Variants in SNX14 observed in about 807,000 individuals in gnomAD.
The protein encoded by SNX14 is sorting nexin-14.
A neutral mutation model predicts 133.8 loss-of-function variants in SNX14; 93 were observed. The ratio of observed to expected loss-of-function variants is 0.70; its 90% confidence interval spans 0.59 to 0.83. The LOEUF (loss-of-function observed/expected upper bound fraction) is 0.83. Ranked by LOEUF, SNX14 falls within the 40% of genes least tolerant of loss-of-function variation. The pLI, the probability that SNX14 is intolerant of heterozygous loss-of-function variation, is 0.00. For synonymous variants in SNX14, 368 were observed against 365.6 expected (o/e 1.01, Z -0.07); for missense variants, 945 against 1,094.9 (o/e 0.86, Z 1.93).
chr6:85,547,112 C>A lies in SNX14; in HGVS notation c.1108G>T (p.Glu370Ter), dbSNP rs201128942. 4.8e-5 allele frequency: 77 copies of A among 1,611,320 alleles called. No homozygotes were observed. Among genetic ancestry groups the A allele is most frequent in the Non-Finnish European group, 6.3e-5 (74 of 1,178,504 alleles). ...VHVLQFCLTV[E>*]EFNDRILRPE... The stretch of plus-strand genomic sequence containing the variant: ...CGTAAAATACACAGGTAAGCCTCAC[C>A]CACAGTCAAACAAAACTGCAACACG... Residue 370 changes from glutamate to a stop codon, truncating the protein, a stop_gained and splice_region_variant, in exon 12 of 29, where the codon GAG becomes TAG. Transcript: ENST00000314673. LOFTEE classifies it high-confidence loss of function.
At chr6:85,590,202 T>C (rs918070103) in intron 1 of SNX14, among the ~76,000 whole-genome samples, 5 of 152,204 alleles carry the variant, frequency 3.3e-5, no homozygotes, top group African/African-American at 1.2e-4. Flanking sequence ...GGTACTTATC[T>C]TTTTCCTTCA....
intron 1 of SNX14, among the ~76,000 whole-genome samples, chr6:85,583,875 T>C (rs2128229098): frequency 6.6e-6 from 1 of 152,262 alleles, no homozygotes; most frequent in Non-Finnish European, 1.5e-5. Context: ...ATTGACTTTC[T>C]TAACAGAATT....
At chr6:85,522,356 CT>C (rs1777166955) in intron 21 of SNX14, among the ~76,000 whole-genome samples, 1 of 152,184 alleles carries the variant, frequency 6.6e-6, no homozygotes, top group Non-Finnish European at 1.5e-5. Flanking sequence ...GTGTTACCTA[CT>C]TGGTCCTATG....
At chr6:85,582,282 G>A (rs968197225) in intron 1 of SNX14, among the ~76,000 whole-genome samples, 1 of 152,100 alleles carries the variant, frequency 6.6e-6, no homozygotes, top group Non-Finnish European at 1.5e-5. Context: ...AAACATGAAG[G>A]AGAAATAAGG....
intron 1 of SNX14, chr6:85,581,365 G>T: frequency 6.6e-6 from 1 of 152,342 alleles, no homozygotes; most frequent in Non-Finnish European, 1.5e-5. Flanking sequence ...TACCAGGAAA[G>T]GCTTCCCAAG....
chr6:85,580,918 G>C lies in SNX14; in HGVS notation c.141-6540C>G, dbSNP rs1583100308. Among the ~76,000 whole-genome samples the C allele has an allele frequency of 2.0e-5, 3 of 152,274 alleles. No homozygotes were observed. In the East Asian group the frequency reaches 5.8e-4, roughly 29 times the overall value. On this transcript the variant is annotated intron_variant, in intron 1 of 28. Transcript: ENST00000314673. ...CATCTCTGGAACCACCCCATATCCAGGGGAACTTGCCACCCTGAAGGGAAG... is the reference window on the plus strand; with the variant it reads ...CATCTCTGGAACCACCCCATATCCACGGGAACTTGCCACCCTGAAGGGAAG...
intron 23 of SNX14, among the ~76,000 whole-genome samples, chr6:85,516,631 T>C (rs76060747): frequency 9.4e-5 from 13 of 138,550 alleles, no homozygotes; most frequent in African/African-American, 3.3e-4. Flanking sequence ...ACTTCCTTAA[T>C]CTTTTTTTTT....
chr6:85,592,316 A>T (rs2842611), intron 1 of SNX14, among the ~76,000 whole-genome samples: 2 of 152,026 alleles, frequency 1.3e-5, no homozygotes, highest in South Asian at 4.1e-4. Flanking sequence ...TAATGGTTAC[A>T]CCAGAGAAAA....
At chr6:85,547,607 A>T in intron 9 of SNX14, 57 bp from the exon 10 acceptor site, 1 of 1,362,420 alleles carries the variant, frequency 7.3e-7, no homozygotes, top group Non-Finnish European at 1.0e-6. Flanking sequence ...TTCTCCCCAG[A>T]ATTCTCATAA....
intron 26 of SNX14, among the ~76,000 whole-genome samples, chr6:85,510,033 T>C (rs577081374): frequency 2.4e-4 from 36 of 152,302 alleles, no homozygotes; most frequent in Admixed American, 1.9e-3. Context: ...AGTTTATTTA[T>C]CCATTCACCT....
At chr6:85,548,499 GT>G in intron 8 of SNX14, 123 bp from the exon 9 acceptor site, 1 of 698,858 alleles carries the variant, frequency 1.4e-6, no homozygotes, top group Non-Finnish European at 2.3e-6. Flanking sequence ...GTAGGTCTTG[GT>G]TAGGCCCTAA....
chr6:85,572,366 T>A lies in SNX14; in HGVS notation c.270A>T (p.Gly90=), dbSNP rs1328930394. 6.2e-7 allele frequency: 1 copy of A among 1,611,336 alleles called. No homozygotes were observed. The highest frequency in any genetic ancestry group is 1.1e-5 in the South Asian group (1 of 90,130). ...FTIKYKPKQL[G]LQELFPQGHS... is the part of the protein sequence containing the mutation. ...GACCTTGAGGAAATAATTCCTGAAG[T>A]CCTAACTGCTAAAAAAGGAAAATGA... is the stretch of plus-strand genomic sequence containing the variant. Residue 90 remains glycine (G), a synonymous_variant, in exon 3 of 29, where the codon GGA becomes GGT. Transcript: ENST00000314673.
intron 1 of SNX14, chr6:85,588,847 G>A (rs1313602163): frequency 2.2e-6 from 1 of 454,218 alleles, no homozygotes; most frequent in Non-Finnish European, 4.4e-6. Flanking sequence ...TCATAAGGAA[G>A]AGAAAATATA....
intron 10 of SNX14, 37 bp from the exon 11 acceptor site, chr6:85,547,434 C>T: frequency 1.2e-6 from 2 of 1,607,688 alleles, no homozygotes; most frequent in Non-Finnish European, 1.7e-6. Context: ...CAGTAAAATT[C>T]CCACTTGATT....
chr6:85,550,443 G>A (rs767449027), intron 7 of SNX14, among the ~76,000 whole-genome samples: 21 of 152,116 alleles, frequency 1.4e-4, no homozygotes, highest in Admixed American at 6.5e-4. Flanking sequence ...GCCAAATCCT[G>A]TATCTTCTTT....
At chr6:85,533,033 C>T (rs560363767) in intron 18 of SNX14, among the ~76,000 whole-genome samples, 74 of 152,160 alleles carry the variant, frequency 4.9e-4, no homozygotes, top group South Asian at 8.3e-4. Flanking sequence ...ACTACAGGCA[C>T]GCACCAAGAC....
In SNX14 at chr6:85,512,613, C is replaced by T. The variant is rs562461296; in HGVS notation, c.2653+1187G>A. ...CTCCAGCCTTGGTGACACAGTGGGGCTCTGTCTCAAAAAAAAAAAAAAAAA... is the reference window on the plus strand; with the variant it reads ...CTCCAGCCTTGGTGACACAGTGGGGTTCTGTCTCAAAAAAAAAAAAAAAAA... On this transcript the variant is annotated intron_variant, in intron 26 of 28. Transcript: ENST00000314673. 3.5e-3 allele frequency among the ~76,000 whole-genome samples: 409 copies of T among 115,646 alleles called. 2 individuals are homozygous for T. Among genetic ancestry groups the T allele is most frequent in the Non-Finnish European group, 4.5e-3 (257 of 57,408 alleles). 75.9% of individuals were successfully genotyped at this position (115,646 alleles called of 152,430 possible). A position where few individuals can be genotyped will look rare whatever the true frequency, so the allele number is the denominator to read the frequency against.
chr6:85,560,166 C>T (rs1040761659), intron 6 of SNX14, among the ~76,000 whole-genome samples: 4 of 151,256 alleles, frequency 2.6e-5, no homozygotes, highest in East Asian at 1.9e-4. Context: ...AATATATATC[C>T]GACAAAAAAA....
intron 18 of SNX14, among the ~76,000 whole-genome samples, chr6:85,532,565 T>G (rs1053739780): frequency 6.6e-6 from 1 of 152,208 alleles, no homozygotes; most frequent in Non-Finnish European, 1.5e-5. Flanking sequence ...TTTCTAACAT[T>G]GCCACTTTTT....
Sources: allele counts gnomAD v4.1 joint callset (sites outside exome capture counted in the v4.1 genomes callset), GRCh38; gene constraint gnomAD v4.1.1; transcripts MANE v1.5; gene names NCBI Gene and HGNC (gene_info 2026-07-23, HGNC 2026-07-21).